The following KLHL18 variants were observed in gnomAD, a reference collection of about 807,000 sequenced individuals.
The protein encoded by KLHL18 is kelch-like protein 18.
KLHL18 carries 38 observed loss-of-function variants against 58.5 expected under a neutral mutation model. The observed-to-expected ratio is 0.65, with a 90% confidence interval of 0.50 to 0.85. The LOEUF (loss-of-function observed/expected upper bound fraction) is 0.85, where lower values mean the gene tolerates loss of function less well. Among genes scored for constraint, KLHL18 ranks in the 40% least tolerant of loss-of-function variants. The pLI is 0.00. For synonymous variants in KLHL18, 303 were observed against 301.9 expected (o/e 1.00, Z -0.04); for missense variants, 624 against 778.4 (o/e 0.80, Z 2.36).
At chr3:47,327,237 T>G (rs903477340) in intron 3 of KLHL18, among the ~76,000 whole-genome samples, 12 of 151,748 alleles carry the variant, frequency 7.9e-5, no homozygotes, top group Admixed American at 6.6e-5. Flanking sequence ...AGACTCCGTC[T>G]CAAAAAAAAC....
intron 1 of KLHL18, chr3:47,287,584 C>G (rs1282021731): frequency 6.6e-6 from 1 of 152,492 alleles, no homozygotes; most frequent in African/African-American, 2.4e-5. Context: ...CTCCCAGGTT[C>G]AAGCGATTCT....
chr3:47,326,449 G>A (rs887905992), intron 3 of KLHL18, among the ~76,000 whole-genome samples: 2 of 152,170 alleles, frequency 1.3e-5, no homozygotes, highest in African/African-American at 4.8e-5. Context: ...TGAAAGACGT[G>A]GGTCTCCATC....
intron 1 of KLHL18, among the ~76,000 whole-genome samples, chr3:47,314,003 TA>T (rs1304712288): frequency 1.3e-5 from 2 of 152,240 alleles, no homozygotes; most frequent in Non-Finnish European, 2.9e-5. Flanking sequence ...AGGAGCTCAA[TA>T]AATGATCATC....
chr3:47,300,577 T>C (rs1243701474), intron 1 of KLHL18, among the ~76,000 whole-genome samples: 1 of 149,596 alleles, frequency 6.7e-6, no homozygotes, highest in East Asian at 1.9e-4. Context: ...GCATTTTATA[T>C]GATCACTGTT....
At chr3:47,314,069 G>C (rs1474062203) in intron 1 of KLHL18, among the ~76,000 whole-genome samples, 1 of 151,972 alleles carries the variant, frequency 6.6e-6, no homozygotes, top group African/African-American at 2.4e-5. Flanking sequence ...ACATTCTCTT[G>C]CTCTGTTGCC....
At chr3:47,284,291 AAAAAT>A (rs1209985800) in intron 1 of KLHL18, among the ~76,000 whole-genome samples, 1 of 152,040 alleles carries the variant, frequency 6.6e-6, no homozygotes, top group Non-Finnish European at 1.5e-5. Flanking sequence ...AAATAAAAGA[AAAAAT>A]AAAACTATGC....
rs115465640 is a variant in KLHL18, at chr3:47,318,819, A to G, written c.130-834A>G. Among the ~76,000 whole-genome samples, 729 of 152,312 alleles carry G rather than the reference A, an allele frequency of 4.8e-3. 8 individuals are homozygous for G. Among genetic ancestry groups the G allele is most frequent in the African/African-American group, 0.017 (700 of 41,562 alleles). ...CGGTGGCTCACGCCTGTTTAATCCA[A>G]TGATTCGATCTTCCAACCTCAATCC... On this transcript the variant is annotated intron_variant, in intron 1 of 9. Coordinates refer to ENST00000232766, the MANE Select transcript of KLHL18 (RefSeq NM_025010.5).
Position 47,292,827 on chromosome 3 carries a change from G to A in KLHL18, c.129+9733G>A, listed in dbSNP as rs915341554. 2.0e-5 allele frequency among the ~76,000 whole-genome samples: 3 copies of A among 150,494 alleles called. No individual in the cohort carries two copies. In the Admixed American group the frequency reaches 2.0e-4, roughly 10 times the overall value. On this transcript the variant is annotated intron_variant, in intron 1 of 9. Coordinates refer to ENST00000232766, the MANE Select transcript of KLHL18 (RefSeq NM_025010.5). ...AGGCTGAGGTGCGAGAATCACCTGAGCCCCGGGAGGTCAAGGCTGCAGTGA... is the reference window on the plus strand; with the variant it reads ...AGGCTGAGGTGCGAGAATCACCTGAACCCCGGGAGGTCAAGGCTGCAGTGA...
chr3:47,308,114 T>C (rs1162480808), intron 1 of KLHL18, among the ~76,000 whole-genome samples: 1 of 152,202 alleles, frequency 6.6e-6, no homozygotes, highest in Non-Finnish European at 1.5e-5. Context: ...GATTACTACT[T>C]ATCATGCACT....
At chr3:47,300,301 ATATATATATGTGTGTATATATG>A (rs1407684055) in intron 1 of KLHL18, among the ~76,000 whole-genome samples, 1 of 146,278 alleles carries the variant, frequency 6.8e-6, no homozygotes, top group East Asian at 2.0e-4. Flanking sequence ...ATATATATAT[ATATATATATGTGTGTATATATG>A]TATATGTATA....
At chr3:47,288,076 C>T (rs1349185240) in intron 1 of KLHL18, among the ~76,000 whole-genome samples, 1 of 151,928 alleles carries the variant, frequency 6.6e-6, no homozygotes, top group Admixed American at 6.6e-5. Context: ...CAAAAATTAG[C>T]TGGACATGCT....
At chr3:47,336,201 C>T (rs947969154) in intron 6 of KLHL18, among the ~76,000 whole-genome samples, 3 of 152,190 alleles carry the variant, frequency 2.0e-5, no homozygotes, top group Admixed American at 1.3e-4. Context: ...AGCACTGGAG[C>T]GCATGCCCGT....
rs200397664 is a variant in KLHL18, at chr3:47,284,253, T to A, written c.129+1159T>A. Among the ~76,000 whole-genome samples, 40 of 148,444 alleles carry A rather than the reference T, an allele frequency of 2.7e-4. No homozygotes were observed. In the East Asian group the frequency reaches 4.6e-3, roughly 17 times the overall value. On this transcript the variant is annotated intron_variant, in intron 1 of 9. Transcript: ENST00000232766. ...TTTCTCCTATTTCTCTCTGTCTCTC[T>A]CACACACACACACACACACAAATAA...
chr3:47,293,567 T>C (rs1226209630), intron 1 of KLHL18, among the ~76,000 whole-genome samples: 1 of 152,202 alleles, frequency 6.6e-6, no homozygotes, highest in Non-Finnish European at 1.5e-5. Context: ...AGGTACATAT[T>C]TAGGAGATGC....
chr3:47,291,980 C>CA (rs1353072342), intron 1 of KLHL18, among the ~76,000 whole-genome samples: 7 of 152,194 alleles, frequency 4.6e-5, no homozygotes, highest in Non-Finnish European at 1.0e-4. Context: ...CATTCTGTCT[C>CA]AGTTGAAGCT....
intron 1 of KLHL18, 28 bp from the exon 2 acceptor site, chr3:47,319,621 ATATC>A: frequency 1.2e-6 from 2 of 1,609,352 alleles, no homozygotes; most frequent in Non-Finnish European, 1.7e-6. Context: ...GCATTCCTCA[ATATC>A]TGTCTTTGTA....
intron 1 of KLHL18, chr3:47,287,231 T>TC (rs1468638577): frequency 6.6e-6 from 1 of 152,232 alleles, no homozygotes; most frequent in East Asian, 1.9e-4. Context: ...GCTTTGCTGT[T>TC]CCTTGATCAT....
intron 5 of KLHL18, 38 bp downstream of exon 5, chr3:47,333,355 G>A (rs1703912170): frequency 6.3e-7 from 1 of 1,593,636 alleles, no homozygotes; most frequent in Middle Eastern, 1.7e-4. Flanking sequence ...ACTGCCAAAG[G>A]TCTAAGCAGG....
intron 1 of KLHL18, among the ~76,000 whole-genome samples, chr3:47,309,747 C>T (rs1012710103): frequency 2.0e-5 from 3 of 152,158 alleles, no homozygotes; most frequent in Non-Finnish European, 2.9e-5. Flanking sequence ...TCTGCAATCC[C>T]GGCACCTCGG....
Sources: gnomAD v4.1 joint callset for allele counts (sites outside exome capture counted in the v4.1 genomes callset) on GRCh38, gnomAD v4.1.1 for gene constraint, MANE v1.5 for transcripts, NCBI Gene and HGNC (gene_info 2026-07-23, HGNC 2026-07-21) for gene names.